Variants in TAF2 observed in about 807,000 individuals in gnomAD.
The protein encoded by TAF2 is transcription initiation factor TFIID subunit 2.
Under a neutral mutation model 138.5 loss-of-function variants are expected in TAF2, and 61 were observed. That is an observed-to-expected ratio of 0.44 (90% CI 0.36 to 0.54). The LOEUF is 0.54. Among genes scored for constraint, TAF2 ranks in the 20% least tolerant of loss-of-function variants. TAF2 has a pLI of 0.00. For synonymous variants in TAF2, 475 were observed against 469.9 expected (o/e 1.01, Z -0.14); for missense variants, 1,090 against 1,427.9 (o/e 0.76, Z 3.81).
At chr8:119,800,104 T>C (rs1229330975) in intron 6 of TAF2, among the ~76,000 whole-genome samples, 1 of 152,226 alleles carries the variant, frequency 6.6e-6, no homozygotes, top group African/African-American at 2.4e-5. Flanking sequence ...GCCTGTTCAC[T>C]CTGATGGTAG....
In TAF2 at chr8:119,801,903, T is replaced by C; in HGVS notation, c.683A>G (p.Asp228Gly). The C allele has an allele frequency of 6.2e-7, 1 of 1,614,174 alleles. No individual in the cohort carries two copies. Among genetic ancestry groups the C allele is most frequent in the Non-Finnish European group, 8.5e-7 (1 of 1,180,008 alleles). Residue 228 changes from aspartate to glycine, a missense_variant, in exon 6 of 26, where the codon GAT becomes GGT. Physicochemically the swap from Asp to Gly is moderately conservative, Grantham distance 94. Transcript: ENST00000378164. ...GDLVETVYTH[D>G]MRKKTFHYML... Reference sequence around the variant, plus strand: ...ATAATGGAAAGTTTTCTTCCTCATATCATGAGTATACACTGTCTCCACCAA... The same window carrying C: ...ATAATGGAAAGTTTTCTTCCTCATACCATGAGTATACACTGTCTCCACCAA...
intron 14 of TAF2, among the ~76,000 whole-genome samples, chr8:119,787,977 C>T (rs566858801): frequency 1.3e-5 from 2 of 152,182 alleles, no homozygotes; most frequent in South Asian, 2.1e-4. Flanking sequence ...TCTCAGCAAA[C>T]GAACACAGGA....
chr8:119,802,638 C>T (rs980071799), intron 5 of TAF2, among the ~76,000 whole-genome samples: 2 of 152,234 alleles, frequency 1.3e-5, no homozygotes, highest in Admixed American at 6.5e-5. Context: ...ACAGGCTGGG[C>T]GCAGTGGCTG....
intron 7 of TAF2, 27 bp from the exon 8 acceptor site, chr8:119,797,130 A>G (rs1586464756): frequency 6.9e-7 from 1 of 1,447,342 alleles, no homozygotes; most frequent in East Asian, 2.3e-5. Context: ...AAGAAAGCTC[A>G]TTATAACCAA....
intron 18 of TAF2, among the ~76,000 whole-genome samples, chr8:119,763,547 T>C (rs1033883952): frequency 2.6e-5 from 4 of 151,770 alleles, no homozygotes; most frequent in Non-Finnish European, 5.9e-5. Context: ...CTGGCCAACA[T>C]GGTGAAACCC....
chr8:119,810,890 G>C (rs1261681976), intron 3 of TAF2, among the ~76,000 whole-genome samples: 1 of 152,088 alleles, frequency 6.6e-6, no homozygotes, highest in Non-Finnish European at 1.5e-5. Context: ...CCTGAGAAAA[G>C]GTGAAGTGGT....
chr8:119,798,756 T>C (rs1300496920), intron 6 of TAF2, among the ~76,000 whole-genome samples: 1 of 152,152 alleles, frequency 6.6e-6, no homozygotes, highest in Non-Finnish European at 1.5e-5. Flanking sequence ...GAAATTTTTA[T>C]CATAAAAATT....
chr8:119,780,318 T>C (rs544989082), intron 17 of TAF2, among the ~76,000 whole-genome samples: 2 of 152,290 alleles, frequency 1.3e-5, no homozygotes, highest in South Asian at 2.1e-4. Flanking sequence ...ACACTTTACA[T>C]ACTTGATCTT....
At chr8:119,808,225 C>T (rs1462455350) in intron 3 of TAF2, among the ~76,000 whole-genome samples, 2 of 152,218 alleles carry the variant, frequency 1.3e-5, no homozygotes, top group Non-Finnish European at 2.9e-5. Context: ...ACAATGAACA[C>T]TGACATTCCA....
At position 119,739,891 on chromosome 8, in the gene TAF2, CA is replaced by C. The variant is rs577980211; in HGVS notation, c.3337+2642del. ...GTCTCTATCAGAGTAAAAGGAAATC[CA>C]TATTTTTATGTGTAACCTCTTCATT... On this transcript the variant is annotated intron_variant, in intron 25 of 25. Coordinates refer to ENST00000378164, the MANE Select transcript of TAF2 (RefSeq NM_003184.4). 6.6e-5 allele frequency among the ~76,000 whole-genome samples: 10 copies of C among 151,888 alleles called. No homozygotes were observed. In the South Asian group the frequency reaches 2.1e-3, roughly 32 times the overall value.
intron 6 of TAF2, among the ~76,000 whole-genome samples, chr8:119,800,237 G>T (rs1025761750): frequency 2.0e-5 from 3 of 152,156 alleles, no homozygotes; most frequent in Admixed American, 6.5e-5. Context: ...GTCCCGAATG[G>T]TATTGCCTAG....
chr8:119,817,720 A>C (rs1825569032), intron 3 of TAF2, among the ~76,000 whole-genome samples: 1 of 152,234 alleles, frequency 6.6e-6, no homozygotes, highest in African/African-American at 2.4e-5. Flanking sequence ...TGTGACTGAC[A>C]AACAGGCATC....
chr8:119,765,255 T>C (rs1821340638), intron 18 of TAF2, among the ~76,000 whole-genome samples: 1 of 152,060 alleles, frequency 6.6e-6, no homozygotes, highest in African/African-American at 2.4e-5. Context: ...AGAGATAAGA[T>C]GACTTCTTCA....
chr8:119,745,288 C>A lies in TAF2; in HGVS notation c.3109-895G>T, dbSNP rs148824764. Among the ~76,000 whole-genome samples, 3 of 151,994 alleles carry A rather than the reference C, an allele frequency of 2.0e-5. No homozygotes were observed. The East Asian group carries it at 5.8e-4, about 29-fold the overall frequency. On this transcript the variant is annotated intron_variant, in intron 23 of 25. Coordinates refer to ENST00000378164, the MANE Select transcript of TAF2 (RefSeq NM_003184.4). ...CTTTGATGCCATTTTCTCCTCTTAG[C>A]CTGCAGTGTGAATGTGGATAAATTA...
At chr8:119,743,559 A>T (rs1044860608) in intron 24 of TAF2, among the ~76,000 whole-genome samples, 46 of 152,152 alleles carry the variant, frequency 3.0e-4, no homozygotes, top group African/African-American at 1.1e-3. Flanking sequence ...TTTATTCCTT[A>T]AAAATTAGAA....
rs774802011 is a variant in TAF2 at position 119,781,062 on chromosome 8, A to C, written c.2244T>G (p.Phe748Leu). 6.2e-7 allele frequency: 1 copy of C among 1,613,034 alleles called. No individual in the cohort carries two copies. Among genetic ancestry groups the C allele is most frequent in the South Asian group, 1.1e-5 (1 of 90,974 alleles). The change falls in exon 17 of 26, where the codon TTT becomes TTG. Residue 748 changes from phenylalanine to leucine, a missense_variant. Phe to Leu is a conservative substitution (Grantham distance 22). Transcript: ENST00000378164. ...AGAAAGTAAACTGTACCTTCTGTAG[A>C]AAATAGCTTTGAAAGCTCATAAAGT... ...TNNFMSFQSYFLQKTMPVAMA... is the reference protein window; with the variant it reads ...TNNFMSFQSYLLQKTMPVAMA...
rs564248016 is a variant in TAF2, at chr8:119,731,705, G to A, written c.*219C>T. The A allele has an allele frequency of 3.1e-5, 18 of 575,626 alleles. No homozygotes were observed. The East Asian group carries it at 5.1e-4, about 16-fold the overall frequency. 35.7% of individuals were successfully genotyped at this position (575,626 alleles called of 1,614,324 possible). On this transcript the variant is annotated 3_prime_UTR_variant, in exon 26 of 26. Coordinates refer to ENST00000378164, the MANE Select transcript of TAF2 (RefSeq NM_003184.4). ...TGTGTGTTTTGGGGAGGAAACAGCG[G>A]ATGAAATAGTTTATCCAGAACTACA... is the stretch of plus-strand genomic sequence containing the variant.
At chr8:119,776,526 CA>C (rs148890953) in intron 18 of TAF2, among the ~76,000 whole-genome samples, 127 of 138,352 alleles carry the variant, frequency 9.2e-4, no homozygotes, top group Admixed American at 1.2e-3. Flanking sequence ...ACTAAAAATA[CA>C]AAAAAAAAAA....
rs192415229 is a variant in TAF2, at chr8:119,781,174, C to T, written c.2132G>A (p.Ser711Asn). 40 of 1,614,050 alleles carry T rather than the reference C, an allele frequency of 2.5e-5. No homozygotes were observed. In the East Asian group the frequency reaches 7.8e-4, roughly 31 times the overall value. ...CATGGCTGGTGGTCCTGTCCATGTG[C>T]TCACCATTGAATTTGCAATCTGCAA... ...CLAKIANSMVSTWTGPPAMKS... is the reference protein window; with the variant it reads ...CLAKIANSMVNTWTGPPAMKS... Residue 711 changes from serine to asparagine, a missense_variant, in exon 17 of 26, where the codon AGC (serine) becomes AAC (asparagine). Around this residue, in one of 3 missense-constraint regions of TAF2, gnomAD observed 580 missense variants for 719.6 expected, o/e 0.81. Coordinates refer to ENST00000378164, the MANE Select transcript of TAF2 (RefSeq NM_003184.4).
Sources: gnomAD v4.1 joint callset for allele counts (sites outside exome capture counted in the v4.1 genomes callset) on GRCh38, gnomAD v4.1.1 for gene constraint, gnomAD v4.1.1 regional missense constraint, MANE v1.5 for transcripts, NCBI Gene and HGNC (gene_info 2026-07-23, HGNC 2026-07-21) for gene names.